Variants in GRM5 observed in about 807,000 individuals in gnomAD.
The protein encoded by GRM5 is glutamate metabotropic receptor 5, also known as metabotropic glutamate receptor 5.
GRM5 carries 19 observed loss-of-function variants against 83.1 expected under a neutral mutation model. That is an observed-to-expected ratio of 0.23 (90% CI 0.16 to 0.34). The LOEUF (loss-of-function observed/expected upper bound fraction) is 0.34. Among genes scored for constraint, GRM5 ranks in the 10% least tolerant of loss-of-function variants. GRM5 has a pLI of 1.00. For missense variants in GRM5, 1,160 were observed against 1,588.3 expected, an observed-to-expected ratio of 0.73 and a Z score of 4.58; for synonymous variants, 675 against 633.6, an observed-to-expected ratio of 1.07 and a Z score of -0.98.
At chr11:88,737,918 G>T (rs936657423) in intron 3 of GRM5, among the ~76,000 whole-genome samples, 1 of 151,900 alleles carries the variant, frequency 6.6e-6, no homozygotes, top group Non-Finnish European at 1.5e-5. Context: ...TAATTATCAT[G>T]TTCATGAACC....
intron 2 of GRM5, among the ~76,000 whole-genome samples, chr11:89,012,986 G>A (rs1327630535): frequency 6.6e-6 from 1 of 152,108 alleles, no homozygotes; most frequent in East Asian, 1.9e-4. Flanking sequence ...GTTTGCAGAC[G>A]CTTACCCAAA....
chr11:88,956,959 A>G (rs770138093), intron 2 of GRM5, among the ~76,000 whole-genome samples: 9 of 150,824 alleles, frequency 6.0e-5, no homozygotes, highest in Non-Finnish European at 1.3e-4. Context: ...AAGGTAATGT[A>G]TGCAAATACA....
chr11:88,597,278 C>T lies in GRM5; in HGVS notation c.1469G>A (p.Gly490Glu), dbSNP rs201799729. The change falls in exon 6 of 10, where the codon GGA (glycine) becomes GAA (glutamate). Residue 490 changes from glycine (G) to glutamate (E), a missense_variant. By Grantham distance (98) the Gly-to-Glu change is moderately conservative. Around this residue, in one of 9 missense-constraint regions of GRM5, gnomAD observed 30 missense variants for 19.7 expected, o/e 1.52. Transcript: ENST00000305447. The stretch of plus-strand genomic sequence containing the variant: ...TTCATCATCATCCATTTTTAATTCT[C>T]CATTGTCCCAACTTCCAACGTTGAT... ...DYINVGSWDN[G>E]ELKMDDDEVW... 6.3e-7 allele frequency: 1 copy of T among 1,595,920 alleles called. No individual in the cohort carries two copies. Among genetic ancestry groups the T allele is most frequent in the African/African-American group, 1.3e-5 (1 of 74,660 alleles).
At chr11:88,998,110 AGAAG>A (rs563760696) in intron 2 of GRM5, among the ~76,000 whole-genome samples, 9 of 151,200 alleles carry the variant, frequency 6.0e-5, no homozygotes, top group African/African-American at 1.9e-4. Flanking sequence ...CGAGCAGTAA[AGAAG>A]GAAGGAAGGA....
chr11:88,697,171 C>T (rs1014910111), intron 3 of GRM5, among the ~76,000 whole-genome samples: 9 of 152,208 alleles, frequency 5.9e-5, no homozygotes, highest in Non-Finnish European at 1.0e-4. Context: ...CTCTTTCAAA[C>T]GCAGCTGCAT....
intron 4 of GRM5, among the ~76,000 whole-genome samples, chr11:88,621,849 T>C (rs1938643930): frequency 6.6e-6 from 1 of 152,184 alleles, no homozygotes; most frequent in Admixed American, 6.5e-5. Context: ...CATTGCAGTA[T>C]GTAAACCTAC....
At chr11:88,859,653 T>C in intron 2 of GRM5, among the ~76,000 whole-genome samples, 1 of 152,242 alleles carries the variant, frequency 6.6e-6, no homozygotes, top group Middle Eastern at 3.4e-3. Context: ...TCAAAGCCCA[T>C]GCTCTTTGCC....
At chr11:88,987,074 T>C (rs1201331147) in intron 2 of GRM5, among the ~76,000 whole-genome samples, 9 of 151,882 alleles carry the variant, frequency 5.9e-5, no homozygotes, top group Admixed American at 5.9e-4. Flanking sequence ...AGACGGGTGA[T>C]TTCTGCATTT....
At position 88,637,462 on chromosome 11, in the gene GRM5, A is replaced by G. The variant is rs183353311; in HGVS notation, c.1147+15706T>C. On this transcript the variant is annotated intron_variant, in intron 4 of 9. Transcript: ENST00000305447. ...TGAACTCAAACAAATTTACAAGGAA[A>G]AAACAAACAACCCCATCAAAAAGTG... is the stretch of plus-strand genomic sequence containing the variant. Among the ~76,000 whole-genome samples, 1,585 of 152,290 alleles carry G rather than the reference A, an allele frequency of 0.01. 47 individuals carry two copies. In the East Asian group the frequency reaches 0.12, roughly 11 times the overall value.
At chr11:88,971,546 T>A (rs1470379373) in intron 2 of GRM5, among the ~76,000 whole-genome samples, 1 of 152,140 alleles carries the variant, frequency 6.6e-6, no homozygotes, top group Non-Finnish European at 1.5e-5. Context: ...AGTTTTCTAT[T>A]CCTGTGTTAG....
intron 5 of GRM5, among the ~76,000 whole-genome samples, chr11:88,604,018 T>G (rs1182816143): frequency 6.6e-6 from 1 of 152,106 alleles, no homozygotes; most frequent in African/African-American, 2.4e-5. Flanking sequence ...CCTTATAGAT[T>G]AAAAGTGTCT....
chr11:89,054,100 C>A (rs1591081701), intron 1 of GRM5, among the ~76,000 whole-genome samples: 1 of 152,030 alleles, frequency 6.6e-6, no homozygotes, highest in Non-Finnish European at 1.5e-5. Context: ...AAAATTTTAA[C>A]AAGAATAAGG....
intron 2 of GRM5, among the ~76,000 whole-genome samples, chr11:88,903,671 C>G (rs1719828866): frequency 6.6e-6 from 1 of 152,130 alleles, no homozygotes; most frequent in African/African-American, 2.4e-5. Context: ...AACATTCTCA[C>G]TTACAAGTAG....
chr11:88,999,224 C>T (rs1940290336), intron 2 of GRM5, among the ~76,000 whole-genome samples: 1 of 152,164 alleles, frequency 6.6e-6, no homozygotes, highest in Non-Finnish European at 1.5e-5. Context: ...CAACAAAAGA[C>T]AAAATTGACA....
chr11:88,619,134 T>C (rs1938564903), intron 4 of GRM5, among the ~76,000 whole-genome samples: 1 of 152,200 alleles, frequency 6.6e-6, no homozygotes, highest in African/African-American at 2.4e-5. Context: ...TAATTTAACT[T>C]TACAGCCGCT....
chr11:89,009,576 G>C (rs1940624477), intron 2 of GRM5, among the ~76,000 whole-genome samples: 1 of 151,988 alleles, frequency 6.6e-6, no homozygotes, highest in East Asian at 1.9e-4. Context: ...AGATCTAAAA[G>C]CAATGATCTC....
At chr11:88,833,457 C>T (rs576084515) in intron 3 of GRM5, among the ~76,000 whole-genome samples, 3 of 151,086 alleles carry the variant, frequency 2.0e-5, no homozygotes, top group Admixed American at 6.6e-5. Context: ...GTTAGAATGG[C>T]TATTATTAAA....
At chr11:89,053,487 A>G (rs1290144575) in intron 1 of GRM5, among the ~76,000 whole-genome samples, 2 of 152,232 alleles carry the variant, frequency 1.3e-5, no homozygotes, top group Non-Finnish European at 2.9e-5. Context: ...CATCAAATCT[A>G]TCAGCATCAC....
chr11:88,730,878 G>C (rs1020209680), intron 3 of GRM5, among the ~76,000 whole-genome samples: 1 of 152,130 alleles, frequency 6.6e-6, no homozygotes, highest in African/African-American at 2.4e-5. Context: ...GGGAGTCGGG[G>C]GCTAGGGGAG....
Sources: allele counts gnomAD v4.1 joint callset (sites outside exome capture counted in the v4.1 genomes callset), GRCh38; gene constraint gnomAD v4.1.1; regional missense constraint gnomAD v4.1.1; transcripts MANE v1.5; gene names NCBI Gene and HGNC (gene_info 2026-07-23, HGNC 2026-07-21).